The following SBF2 variants were observed in gnomAD, a reference collection of about 807,000 sequenced individuals.
The protein encoded by SBF2 is SET binding factor 2, also known as myotubularin-related protein 13.
Under a neutral mutation model 225.2 loss-of-function variants are expected in SBF2, and 112 were observed. The ratio of observed to expected loss-of-function variants is 0.50; its 90% CI spans 0.43 to 0.58. The LOEUF is 0.58. Among genes scored for constraint, SBF2 ranks in the 20% least tolerant of loss-of-function variants. SBF2 has a pLI of 0.00. For synonymous variants in SBF2, 763 were observed against 773.3 expected (o/e 0.99, Z 0.22); for missense variants, 1,996 against 2,206.2 (o/e 0.90, Z 1.91).
At chr11:9,922,762 T>C (rs562691456) in intron 16 of SBF2, among the ~76,000 whole-genome samples, 1 of 152,254 alleles carries the variant, frequency 6.6e-6, no homozygotes, top group South Asian at 2.1e-4. Flanking sequence ...CTTTTCTCTA[T>C]TTCCCCCTCT....
At chr11:9,963,742 T>C (rs1866730282) in intron 15 of SBF2, 31 bp downstream of exon 15, 1 of 1,059,568 alleles carries the variant, frequency 9.4e-7, no homozygotes. Context: ...AAATGATAAA[T>C]GCTTACTTGG....
chr11:10,115,118 A>G (rs1350259422), intron 2 of SBF2, among the ~76,000 whole-genome samples: 2 of 152,198 alleles, frequency 1.3e-5, no homozygotes, highest in Non-Finnish European at 1.5e-5. Flanking sequence ...TTTGATAGGA[A>G]TGACTACATC....
At chr11:10,001,340 C>A (rs1414776860) in intron 7 of SBF2, among the ~76,000 whole-genome samples, 1 of 151,972 alleles carries the variant, frequency 6.6e-6, no homozygotes, top group Admixed American at 6.6e-5. Context: ...CGACATTAGA[C>A]AGTAACACTG....
chr11:9,928,674 C>T (rs1864248054), intron 16 of SBF2, among the ~76,000 whole-genome samples: 1 of 152,132 alleles, frequency 6.6e-6, no homozygotes, highest in South Asian at 2.1e-4. Context: ...TTTACTTGTA[C>T]CAGGCCCCAG....
At chr11:10,226,835 G>A (rs1408748827) in intron 1 of SBF2, among the ~76,000 whole-genome samples, 1 of 152,128 alleles carries the variant, frequency 6.6e-6, no homozygotes, top group African/African-American at 2.4e-5. Context: ...AATCCTTTGG[G>A]TATATACCCA....
At chr11:10,061,124 C>A (rs1297684921) in intron 2 of SBF2, among the ~76,000 whole-genome samples, 1 of 152,086 alleles carries the variant, frequency 6.6e-6, no homozygotes, top group Non-Finnish European at 1.5e-5. Context: ...TCACTAGATG[C>A]AGAAAGGGCC....
intron 2 of SBF2, among the ~76,000 whole-genome samples, chr11:10,088,230 G>C (rs1951652921): frequency 6.6e-6 from 1 of 151,910 alleles, no homozygotes; most frequent in Admixed American, 6.6e-5. Flanking sequence ...TTGCCATGTT[G>C]CCCAGGCTGG....
intron 19 of SBF2, among the ~76,000 whole-genome samples, chr11:9,854,074 C>T (rs1016232769): frequency 6.6e-6 from 1 of 152,182 alleles, no homozygotes; most frequent in Non-Finnish European, 1.5e-5. Context: ...CTAAAGCAAC[C>T]TGTCCTCCCA....
At chr11:9,996,120 G>A (rs558053003) in intron 9 of SBF2, among the ~76,000 whole-genome samples, 1 of 152,288 alleles carries the variant, frequency 6.6e-6, no homozygotes, top group African/African-American at 2.4e-5. Context: ...ATACGAGTAT[G>A]CAGCAGAACC....
intron 2 of SBF2, among the ~76,000 whole-genome samples, chr11:10,100,281 C>G (rs11530489): frequency 0.055 from 8,447 of 152,294 alleles, 509 homozygotes; most frequent in East Asian, 0.19. Flanking sequence ...TAAATTGGCT[C>G]TGCCTAGGCA....
At chr11:10,103,957 C>A (rs543940127) in intron 2 of SBF2, among the ~76,000 whole-genome samples, 1 of 152,198 alleles carries the variant, frequency 6.6e-6, no homozygotes, top group South Asian at 2.1e-4. Context: ...GTGATGCACA[C>A]CTGGAGTCCA....
chr11:10,270,912 G>A (rs1326019454), intron 1 of SBF2, among the ~76,000 whole-genome samples: 1 of 146,538 alleles, frequency 6.8e-6, no homozygotes, highest in East Asian at 2.1e-4. Flanking sequence ...GGAGAATGGC[G>A]TGAACCCGGG....
chr11:9,877,569 CCA>C (rs903140157), intron 17 of SBF2, among the ~76,000 whole-genome samples: 21 of 152,218 alleles, frequency 1.4e-4, no homozygotes, highest in African/African-American at 4.8e-4. Context: ...CCGACAGGCC[CCA>C]GTGTGTGACG....
intron 13 of SBF2, 66 bp downstream of exon 13, chr11:9,989,431 A>G (rs1380109580): frequency 1.9e-6 from 2 of 1,074,056 alleles, no homozygotes; most frequent in Admixed American, 2.0e-5. Context: ...CCGTACCCCA[A>G]TAACTTACGG....
chr11:9,896,489 T>C (rs940479485), intron 16 of SBF2, among the ~76,000 whole-genome samples: 1 of 152,120 alleles, frequency 6.6e-6, no homozygotes, highest in Non-Finnish European at 1.5e-5. Context: ...CTTATTGTTA[T>C]ATAAAAAGGG....
chr11:10,119,467 TG>T (rs1953327292), intron 2 of SBF2, among the ~76,000 whole-genome samples: 1 of 152,170 alleles, frequency 6.6e-6, no homozygotes, highest in Non-Finnish European at 1.5e-5. Context: ...GTTAAATAAA[TG>T]TTCATTTAAC....
chr11:9,977,150 T>G (rs1461418421), intron 13 of SBF2, among the ~76,000 whole-genome samples: 1 of 152,114 alleles, frequency 6.6e-6, no homozygotes, highest in Non-Finnish European at 1.5e-5. Context: ...GTTCTCACTT[T>G]GTGAAAACAT....
chr11:9,888,859 C>T (rs1367931310), intron 17 of SBF2, among the ~76,000 whole-genome samples: 1 of 152,188 alleles, frequency 6.6e-6, no homozygotes, highest in East Asian at 1.9e-4. Flanking sequence ...TCTTTCCAAG[C>T]CACATTTCCT....
intron 6 of SBF2, among the ~76,000 whole-genome samples, chr11:10,004,505 A>C (rs1387520560): frequency 4.0e-5 from 6 of 150,870 alleles, no homozygotes; most frequent in African/African-American, 1.5e-4. Flanking sequence ...GCCAAAGGGA[A>C]GTCAAGCTAG....
Sources: gnomAD v4.1 joint callset for allele counts (sites outside exome capture counted in the v4.1 genomes callset) on GRCh38, gnomAD v4.1.1 for gene constraint, MANE v1.5 for transcripts, NCBI Gene and HGNC (gene_info 2026-07-23, HGNC 2026-07-21) for gene names.